ZC3H7B: variants seen among roughly 807,000 people sequenced by gnomAD.
ZC3H7B encodes the protein zinc finger CCCH domain-containing protein 7B.
In ZC3H7B, 35 loss-of-function variants were observed where a neutral mutation model predicts 116.0. The observed-to-expected ratio is 0.30, with a 90% confidence interval of 0.23 to 0.40. ZC3H7B has a LOEUF of 0.40. Among genes scored for constraint, ZC3H7B ranks in the 10% least tolerant of loss-of-function variants. The pLI, the probability that ZC3H7B is intolerant of heterozygous loss-of-function variation, is 1.00. For synonymous variants in ZC3H7B, 502 were observed against 545.6 expected, an observed-to-expected ratio of 0.92 and a Z score of 1.11; for missense variants, 1,011 against 1,321.5, an observed-to-expected ratio of 0.77 and a Z score of 3.64.
chr22:41,307,920 T>C (rs548222616), intron 1 of ZC3H7B, among the ~76,000 whole-genome samples: 1 of 152,338 alleles, frequency 6.6e-6, no homozygotes, highest in East Asian at 1.9e-4. Context: ...TCGAAGCTCT[T>C]TTCTTATCAA....
At chr22:41,305,066 G>T (rs59581459) in intron 1 of ZC3H7B, among the ~76,000 whole-genome samples, 3,588 of 152,224 alleles carry the variant, frequency 0.024, 144 homozygotes, top group African/African-American at 0.078. Flanking sequence ...ACAAAAATTG[G>T]CCGGCTGCGG....
intron 1 of ZC3H7B, among the ~76,000 whole-genome samples, chr22:41,317,965 G>A (rs2036206143): frequency 6.6e-6 from 1 of 152,158 alleles, no homozygotes; most frequent in South Asian, 2.1e-4. Context: ...CTAGCCTCTT[G>A]GAGTACTATT....
chr22:41,331,369 C>T (rs895475790), intron 6 of ZC3H7B, among the ~76,000 whole-genome samples: 2 of 148,388 alleles, frequency 1.3e-5, no homozygotes, highest in South Asian at 2.1e-4. Flanking sequence ...TCCTGGCTAA[C>T]GCAGTGAAAG....
At chr22:41,350,539 G>T (rs551370080) in intron 16 of ZC3H7B, among the ~76,000 whole-genome samples, 2 of 152,244 alleles carry the variant, frequency 1.3e-5, no homozygotes, top group African/African-American at 4.8e-5. Context: ...GTATTTTGAG[G>T]GTGGAGCCAA....
chr22:41,326,418 C>CAGCCTCCTCACTGTTTCTTCCGT (rs2036319500), intron 4 of ZC3H7B, among the ~76,000 whole-genome samples: 1 of 148,480 alleles, frequency 6.7e-6, no homozygotes, highest in Non-Finnish European at 1.5e-5. Context: ...CCCATAGCCT[C>CAGCCTCCTCACTGTTTCTTCCGT]AGCCTCCTCA....
chr22:41,345,356 G>C (rs544698809), intron 13 of ZC3H7B, among the ~76,000 whole-genome samples: 45 of 152,090 alleles, frequency 3.0e-4, no homozygotes, highest in Non-Finnish European at 5.9e-4. Context: ...GAGGCCGAGG[G>C]GGGTGGATCA....
chr22:41,337,046 G>C (rs1169142297), intron 7 of ZC3H7B, among the ~76,000 whole-genome samples: 2 of 152,144 alleles, frequency 1.3e-5, no homozygotes, highest in Admixed American at 6.5e-5. Flanking sequence ...TGAGGCAGGA[G>C]AATCGCTTGA....
intron 5 of ZC3H7B, among the ~76,000 whole-genome samples, chr22:41,329,031 C>CAA (rs905189346): frequency 3.4e-3 from 137 of 40,454 alleles, no homozygotes; most frequent in Non-Finnish European, 4.7e-3. Context: ...TACTAAAATA[C>CAA]AAAAAAAAAA....
intron 17 of ZC3H7B, 24 bp from the exon 18 acceptor site, chr22:41,355,445 A>T: frequency 6.2e-7 from 1 of 1,612,468 alleles, no homozygotes; most frequent in Non-Finnish European, 8.5e-7. Flanking sequence ...AGCTTCACCA[A>T]CCCCCCTCCC....
chr22:41,339,723 G>C (rs921611044), intron 9 of ZC3H7B, 93 bp from the exon 10 acceptor site: 1 of 1,216,734 alleles, frequency 8.2e-7, no homozygotes, highest in Non-Finnish European at 1.1e-6. Context: ...AGGCGACAGG[G>C]TGCAGGTCTC....
chr22:41,343,269 GGGTGT>G (rs2036543730), intron 12 of ZC3H7B, 141 bp from the exon 13 acceptor site: 1 of 1,053,320 alleles, frequency 9.5e-7, no homozygotes, highest in Non-Finnish European at 1.3e-6. Context: ...TAGCCAGGAA[GGGTGT>G]GGTGGGAGCT....
chr22:41,347,927 G>A, intron 14 of ZC3H7B, 140 bp from the exon 15 acceptor site: 1 of 695,358 alleles, frequency 1.4e-6, no homozygotes, highest in South Asian at 1.7e-5. Context: ...CAGACCCTGG[G>A]ATTCCCTTCC....
intron 5 of ZC3H7B, among the ~76,000 whole-genome samples, chr22:41,328,459 A>G (rs2036343610): frequency 6.6e-6 from 1 of 152,106 alleles, no homozygotes; most frequent in Admixed American, 6.6e-5. Context: ...GGCCTCTAGG[A>G]GATTGTCAGT....
chr22:41,357,579 C>T lies in ZC3H7B; in HGVS notation c.*150C>T, dbSNP rs2036739538. ...CCCTGAGGCCCTGTCCATCTTCTCC[C>T]CACCACCGCCCCGGTGTGCGTACCC... is the stretch of plus-strand genomic sequence containing the variant. On this transcript the variant is annotated 3_prime_UTR_variant, in exon 23 of 23. Transcript: ENST00000352645. The surrounding 1 kb of genome is among the most constrained non-coding windows in gnomAD (Gnocchi z 5.4). 4 of 1,084,760 alleles carry T rather than the reference C, an allele frequency of 3.7e-6. No homozygotes were observed. In the Admixed American group the frequency reaches 8.8e-5, roughly 24 times the overall value. The allele number at this position is 1,084,760 out of a possible 1,614,324, so 67.2% of individuals were successfully genotyped here.
intron 10 of ZC3H7B, 134 bp from the exon 11 acceptor site, chr22:41,340,954 G>C: frequency 4.0e-6 from 3 of 758,048 alleles, no homozygotes; most frequent in South Asian, 1.9e-5. Context: ...TAGAGTCAGG[G>C]GTTCAGCAGG....
rs778440848 is a variant in ZC3H7B at position 41,338,317 on chromosome 22, C to T, written c.587C>T (p.Thr196Ile). 7.4e-6 allele frequency: 12 copies of T among 1,613,476 alleles called. No individual in the cohort carries two copies. In the South Asian group the frequency reaches 1.3e-4, roughly 18 times the overall value. The change falls in exon 8 of 23, where the codon ACT (threonine) becomes ATT (isoleucine). Residue 196 changes from threonine (T) to isoleucine (I), a missense_variant. Thr to Ile is a moderately conservative substitution (Grantham distance 89). Around this residue, in one of 5 missense-constraint regions of ZC3H7B, gnomAD observed 322 missense variants for 443.9 expected, o/e 0.73. Transcript: ENST00000352645. The surrounding 1 kb of genome is among the most constrained non-coding windows in gnomAD (Gnocchi z 4.5). ...GTAAGVADQG[T>I]SNGLGSIDDI... is the part of the protein sequence containing the mutation. ...ACTGTGGCCCTCTCCCCACAGGGAA[C>T]TTCTAATGGATTGGGGTCCATAGAT... is the stretch of plus-strand genomic sequence containing the variant.
intron 13 of ZC3H7B, among the ~76,000 whole-genome samples, 187 bp from the exon 14 acceptor site, chr22:41,345,816 A>G (rs973783934): frequency 1.3e-5 from 2 of 151,878 alleles, no homozygotes; most frequent in African/African-American, 2.4e-5. Context: ...TTTGGAAAGG[A>G]CTTCCCAGCT....
In ZC3H7B at chr22:41,338,421, C is replaced by T. The variant is rs2036472955; in HGVS notation, c.625+66C>T. The T allele has an allele frequency of 1.3e-6, 2 of 1,544,548 alleles. No homozygotes were observed. Among genetic ancestry groups the T allele is most frequent in the South Asian group, 1.2e-5 (1 of 86,146 alleles). ...CCCGAGAGGTCAGGGGAGTCGAGCCCCCTCCCCATCCCAGCCCTGTAGATG... is the reference window on the plus strand; with the variant it reads ...CCCGAGAGGTCAGGGGAGTCGAGCCTCCTCCCCATCCCAGCCCTGTAGATG... On this transcript the variant is annotated intron_variant, in intron 8 of 22. Transcript: ENST00000352645. This position sits in a 1 kb window ranked among gnomAD's most constrained non-coding sequence, Gnocchi z 4.5.
At chr22:41,344,298 C>T (rs8139162) in intron 13 of ZC3H7B, among the ~76,000 whole-genome samples, 2,962 of 152,290 alleles carry the variant, frequency 0.019, 82 homozygotes, top group African/African-American at 0.063. Context: ...CCTGAACTTG[C>T]TCCTTGTCCT....
Sources: gnomAD v4.1 joint callset for allele counts (sites outside exome capture counted in the v4.1 genomes callset) on GRCh38, gnomAD v4.1.1 for gene constraint, gnomAD v4.1.1 regional missense constraint, Gnocchi (gnomAD v3.1) non-coding constraint, MANE v1.5 for transcripts, NCBI Gene and HGNC (gene_info 2026-07-23, HGNC 2026-07-21) for gene names.